The following GABRG2 variants were observed in gnomAD, a reference collection of about 807,000 sequenced individuals.
The protein encoded by GABRG2 is gamma-aminobutyric acid type A receptor subunit gamma2.
In GABRG2, 16 loss-of-function variants were observed where a neutral mutation model predicts 56.4. The ratio of observed to expected loss-of-function variants is 0.28; its 90% CI spans 0.19 to 0.43. GABRG2 has a LOEUF of 0.43. GABRG2 is among the 20% of genes least tolerant of loss of function. GABRG2 has a pLI of 1.00. For missense variants in GABRG2, 327 were observed against 582.7 expected (o/e 0.56, Z 4.52); for synonymous variants, 208 against 205.5 (o/e 1.01, Z -0.10).
At chr5:162,070,499 G>C (rs1032896512) in intron 1 of GABRG2, among the ~76,000 whole-genome samples, 1 of 151,826 alleles carries the variant, frequency 6.6e-6, no homozygotes, top group Admixed American at 6.6e-5. Flanking sequence ...TTTTGTGGTA[G>C]ACAGTAGTAG....
chr5:162,075,406 C>G (rs1348817114), intron 1 of GABRG2, among the ~76,000 whole-genome samples: 1 of 152,124 alleles, frequency 6.6e-6, no homozygotes, highest in East Asian at 1.9e-4. Flanking sequence ...CCACCTTGTA[C>G]TCCTAAGTCC....
rs189265060 is a variant in GABRG2, at chr5:162,113,050, G to A, written c.769+9024G>A. Reference sequence around the variant, plus strand: ...TCATGCAACCTCCACCTCCCAGTTCGTGCCTCAGCCTCCCAAGTAGCTGGG... The same window carrying A: ...TCATGCAACCTCCACCTCCCAGTTCATGCCTCAGCCTCCCAAGTAGCTGGG... On this transcript the variant is annotated intron_variant, in intron 6 of 9. Coordinates refer to ENST00000639213, the MANE Select transcript of GABRG2 (RefSeq NM_198904.4). Among the ~76,000 whole-genome samples, 283 of 151,772 alleles carry A rather than the reference G, an allele frequency of 1.9e-3. 1 individual carries two copies. The highest frequency in any genetic ancestry group is 3.4e-3 in the Middle Eastern group (1 of 294).
chr5:162,067,751 T>C, upstream of GABRG2: 1 of 610,354 alleles, frequency 1.6e-6, no homozygotes, highest in South Asian at 2.0e-5. Flanking sequence ...ATGATATTAC[T>C]CCCCCAGACT....
chr5:162,095,474 T>A (rs764941958), intron 2 of GABRG2, 21 bp from the exon 3 acceptor site: 10 of 1,521,488 alleles, frequency 6.6e-6, no homozygotes, highest in Non-Finnish European at 9.1e-6. Context: ...TGTGCACACA[T>A]TTCTATGTTT....
chr5:162,120,710 C>A (rs574747831), intron 6 of GABRG2, among the ~76,000 whole-genome samples: 15 of 152,112 alleles, frequency 9.9e-5, no homozygotes, highest in Non-Finnish European at 1.8e-4. Flanking sequence ...ATTTCTCTGA[C>A]CATATAGGAT....
intron 1 of GABRG2, among the ~76,000 whole-genome samples, chr5:162,070,417 A>G (rs1481614806): frequency 6.6e-6 from 1 of 152,056 alleles, no homozygotes; most frequent in South Asian, 2.1e-4. Flanking sequence ...GATCCTGAGG[A>G]AGGACAATAA....
intron 6 of GABRG2, among the ~76,000 whole-genome samples, chr5:162,141,834 TC>T (rs1764590288): frequency 6.6e-6 from 1 of 152,136 alleles, no homozygotes; most frequent in Admixed American, 6.6e-5. Flanking sequence ...GAAATACTGT[TC>T]CCTACCCTCC....
At chr5:162,089,139 C>T (rs1760365618) in intron 1 of GABRG2, among the ~76,000 whole-genome samples, 1 of 151,952 alleles carries the variant, frequency 6.6e-6, no homozygotes, top group Non-Finnish European at 1.5e-5. Flanking sequence ...TTGAAACATG[C>T]TAATTAGTAG....
intron 6 of GABRG2, among the ~76,000 whole-genome samples, chr5:162,137,106 T>G: frequency 6.6e-6 from 1 of 152,084 alleles, no homozygotes; most frequent in East Asian, 1.9e-4. Flanking sequence ...CTGATTAATT[T>G]GGAAATCTTT....
intron 7 of GABRG2, among the ~76,000 whole-genome samples, chr5:162,143,161 G>A (rs986830389): frequency 6.6e-6 from 1 of 152,120 alleles, no homozygotes; most frequent in Non-Finnish European, 1.5e-5. Context: ...ACCCAAGGAG[G>A]AAATATTAAC....
intron 1 of GABRG2, among the ~76,000 whole-genome samples, chr5:162,070,217 T>C (rs1758562677): frequency 6.6e-6 from 1 of 152,130 alleles, no homozygotes; most frequent in Non-Finnish European, 1.5e-5. Flanking sequence ...TCTATAAATA[T>C]GAGCTATCTG....
In GABRG2 at chr5:162,152,875, A is replaced by T. The variant is rs1765473353; in HGVS notation, c.1153-218A>T. 22 of 612,880 alleles carry T rather than the reference A, an allele frequency of 3.6e-5. No homozygotes were observed. In the South Asian group the frequency reaches 3.9e-4, roughly 11 times the overall value. 38.0% of individuals were successfully genotyped at this position (612,880 alleles called of 1,614,324 possible). On this transcript the variant is annotated intron_variant, in intron 9 of 9. Transcript: ENST00000639213. ...CCTTGCTATAGCTATTAGCTTGATG[A>T]TATTATTTTCAGCTGCACTGCTTAA...
chr5:162,104,129 A>G, intron 6 of GABRG2, 103 bp downstream of exon 6: 1 of 1,053,172 alleles, frequency 9.5e-7, no homozygotes, highest in South Asian at 1.3e-5. Flanking sequence ...AATGATAATC[A>G]GAAAATTAAA....
chr5:162,074,213 T>G (rs2113133852), intron 1 of GABRG2, among the ~76,000 whole-genome samples: 1 of 152,092 alleles, frequency 6.6e-6, no homozygotes, highest in Non-Finnish European at 1.5e-5. Context: ...CCCTACAGTA[T>G]TATGATATAA....
intron 1 of GABRG2, among the ~76,000 whole-genome samples, chr5:162,091,457 G>T (rs541570440): frequency 9.2e-5 from 14 of 152,042 alleles, no homozygotes; most frequent in Non-Finnish European, 1.9e-4. Flanking sequence ...CTAATATTAA[G>T]CCTATTATAA....
chr5:162,137,971 G>T (rs1356483276), intron 6 of GABRG2, among the ~76,000 whole-genome samples: 1 of 151,470 alleles, frequency 6.6e-6, no homozygotes, highest in Non-Finnish European at 1.5e-5. Flanking sequence ...CGTTGCCCAG[G>T]CTGGTGTTGA....
chr5:162,124,846 C>CA (rs1197968542), intron 6 of GABRG2, among the ~76,000 whole-genome samples: 2 of 151,578 alleles, frequency 1.3e-5, no homozygotes, highest in African/African-American at 4.8e-5. Context: ...TACGCTTCTG[C>CA]AAAATGATGC....
At chr5:162,127,804 T>C (rs1175157218) in intron 6 of GABRG2, among the ~76,000 whole-genome samples, 1 of 152,030 alleles carries the variant, frequency 6.6e-6, no homozygotes. Context: ...GATTTGAGCA[T>C]AGACGTGAGG....
chr5:162,115,786 T>C (rs975944196), intron 6 of GABRG2, among the ~76,000 whole-genome samples: 5 of 152,116 alleles, frequency 3.3e-5, no homozygotes, highest in African/African-American at 1.2e-4. Context: ...TTGGCTGAAC[T>C]TGTATAGTCC....
Sources: allele counts gnomAD v4.1 joint callset (sites outside exome capture counted in the v4.1 genomes callset), GRCh38; gene constraint gnomAD v4.1.1; transcripts MANE v1.5; gene names NCBI Gene and HGNC (gene_info 2026-07-23, HGNC 2026-07-21).